SYT9: variants seen among roughly 807,000 people sequenced by gnomAD.
The protein encoded by SYT9 is synaptotagmin 9, also known as synaptotagmin-9.
SYT9 carries 22 observed loss-of-function variants against 48.4 expected under a neutral mutation model. The observed-to-expected ratio is 0.45, with a 90% CI of 0.32 to 0.65. The LOEUF is 0.65. Ranked by LOEUF, SYT9 falls within the 30% of genes least tolerant of loss-of-function variation. The pLI is 0.03. For missense variants in SYT9, 577 were observed against 622.0 expected, an observed-to-expected ratio of 0.93 and a Z score of 0.77; for synonymous variants, 265 against 245.0, an observed-to-expected ratio of 1.08 and a Z score of -0.76.
chr11:7,388,563 G>A (rs541458193), intron 3 of SYT9, among the ~76,000 whole-genome samples: 1 of 151,860 alleles, frequency 6.6e-6, no homozygotes, highest in Non-Finnish European at 1.5e-5. Flanking sequence ...TTAGATAAAT[G>A]ATTTGATCAC....
At chr11:7,306,657 G>A (rs1448937773) in intron 2 of SYT9, among the ~76,000 whole-genome samples, 2 of 151,964 alleles carry the variant, frequency 1.3e-5, no homozygotes, top group Non-Finnish European at 2.9e-5. Context: ...TCCTTCTTGG[G>A]ACCTTTACTT....
chr11:7,308,267 T>G (rs988859107), intron 2 of SYT9, among the ~76,000 whole-genome samples: 1 of 152,222 alleles, frequency 6.6e-6, no homozygotes, highest in African/African-American at 2.4e-5. Context: ...TTTTTCTCCT[T>G]GGATCCTGAA....
At chr11:7,332,573 G>A (rs1354106321) in intron 3 of SYT9, among the ~76,000 whole-genome samples, 1 of 152,118 alleles carries the variant, frequency 6.6e-6, no homozygotes, top group Non-Finnish European at 1.5e-5. Context: ...AAAGAGAAGA[G>A]GGATCCTCTT....
chr11:7,349,400 C>CACACACACAT (rs1259995226), intron 3 of SYT9, among the ~76,000 whole-genome samples: 1 of 151,992 alleles, frequency 6.6e-6, no homozygotes, highest in Admixed American at 6.6e-5. Context: ...CACACACACA[C>CACACACACAT]ACACACACCA....
intron 3 of SYT9, among the ~76,000 whole-genome samples, chr11:7,339,851 C>T (rs114345681): frequency 0.012 from 1,781 of 152,168 alleles, 37 homozygotes; most frequent in African/African-American, 0.039. Flanking sequence ...GATCTTCTTG[C>T]GTAGAATCTT....
intron 3 of SYT9, among the ~76,000 whole-genome samples, chr11:7,372,277 G>T (rs1209226364): frequency 2.6e-5 from 4 of 151,976 alleles, no homozygotes; most frequent in Admixed American, 1.3e-4. Context: ...TTAAATTTAT[G>T]TGGGGTTTTT....
In SYT9 at chr11:7,383,826, A is replaced by G. The variant is rs566241640; in HGVS notation, c.1045-32216A>G. Among the ~76,000 whole-genome samples, 3 of 152,324 alleles carry G rather than the reference A, an allele frequency of 2.0e-5. No homozygotes were observed. In the South Asian group the frequency reaches 6.2e-4, roughly 32 times the overall value. On this transcript the variant is annotated intron_variant, in intron 3 of 6. Coordinates refer to ENST00000318881, the MANE Select transcript of SYT9 (RefSeq NM_175733.4). Reference sequence around the variant, plus strand: ...GGGGTCAAGACTTGAATTCAGCTTCAGTCCCTTGCACTATATGTCTAGGCT... The same window carrying G: ...GGGGTCAAGACTTGAATTCAGCTTCGGTCCCTTGCACTATATGTCTAGGCT...
chr11:7,406,559 T>C (rs963325577), intron 3 of SYT9, among the ~76,000 whole-genome samples: 1 of 146,702 alleles, frequency 6.8e-6, no homozygotes, highest in African/African-American at 2.5e-5. Flanking sequence ...TATATATATA[T>C]ATATATATAG....
chr11:7,268,462 A>G (rs148405124), intron 1 of SYT9, among the ~76,000 whole-genome samples: 130 of 152,120 alleles, frequency 8.5e-4, no homozygotes, highest in African/African-American at 3.0e-3. Flanking sequence ...AAATCTTGAT[A>G]CCAATCTCAG....
chr11:7,447,702 A>T (rs1847960499), intron 6 of SYT9, among the ~76,000 whole-genome samples: 1 of 152,182 alleles, frequency 6.6e-6, no homozygotes, highest in Non-Finnish European at 1.5e-5. Context: ...TTTTCTCTGT[A>T]TATATATCTT....
At chr11:7,255,689 C>G (rs993935926) in intron 1 of SYT9, among the ~76,000 whole-genome samples, 1 of 152,102 alleles carries the variant, frequency 6.6e-6, no homozygotes, top group Non-Finnish European at 1.5e-5. Context: ...GCTTTTTGAC[C>G]TAAAAAATTC....
intron 1 of SYT9, among the ~76,000 whole-genome samples, chr11:7,258,689 T>A (rs927282768): frequency 1.3e-5 from 2 of 152,118 alleles, no homozygotes; most frequent in African/African-American, 4.8e-5. Flanking sequence ...ATTTTATTCA[T>A]CTATAAAATG....
chr11:7,466,720 CAAAAAA>C, intron 6 of SYT9, 66 bp from the exon 7 acceptor site: 17 of 1,259,072 alleles, frequency 1.4e-5, no homozygotes, highest in Non-Finnish European at 1.7e-5. Context: ...GACTCTGTCT[CAAAAAA>C]AAAAAAAAAA....
intron 1 of SYT9, among the ~76,000 whole-genome samples, chr11:7,258,782 C>A (rs946128998): frequency 2.0e-5 from 3 of 152,204 alleles, no homozygotes; most frequent in South Asian, 2.1e-4. Context: ...GGTAGTATCA[C>A]CTGCCCATGT....
intron 3 of SYT9, among the ~76,000 whole-genome samples, chr11:7,339,836 G>C (rs769334762): frequency 2.6e-5 from 4 of 152,098 alleles, no homozygotes; most frequent in Admixed American, 6.6e-5. Context: ...ATGCATCTTG[G>C]AGATGATCTT....
intron 1 of SYT9, among the ~76,000 whole-genome samples, chr11:7,286,858 A>G (rs1020453538): frequency 6.6e-6 from 1 of 152,194 alleles, no homozygotes; most frequent in African/African-American, 2.4e-5. Flanking sequence ...CATTGTCCAC[A>G]TCACTATCAG....
intron 3 of SYT9, among the ~76,000 whole-genome samples, chr11:7,406,763 G>A (rs1847023517): frequency 6.6e-6 from 1 of 151,902 alleles, no homozygotes; most frequent in South Asian, 2.1e-4. Flanking sequence ...TTTTGGAGAA[G>A]ACTCCATGTT....
chr11:7,290,686 G>A (rs1460426977), intron 1 of SYT9, among the ~76,000 whole-genome samples: 1 of 152,264 alleles, frequency 6.6e-6, no homozygotes, highest in East Asian at 1.9e-4. Flanking sequence ...TTAAATTTGA[G>A]TTCCTCTGGT....
chr11:7,308,628 C>A (rs1849075510), intron 2 of SYT9, among the ~76,000 whole-genome samples: 3 of 152,196 alleles, frequency 2.0e-5, no homozygotes, highest in African/African-American at 7.2e-5. Flanking sequence ...GTTAAGTAGG[C>A]AAGCCCAGCT....
Sources: gnomAD v4.1 joint callset for allele counts (sites outside exome capture counted in the v4.1 genomes callset) on GRCh38, gnomAD v4.1.1 for gene constraint, MANE v1.5 for transcripts, NCBI Gene and HGNC (gene_info 2026-07-23, HGNC 2026-07-21) for gene names.